Variants in PDE11A observed in about 807,000 individuals in gnomAD.
PDE11A encodes the protein phosphodiesterase 11A, also known as dual 3',5'-cyclic-AMP and -GMP phosphodiesterase 11A.
Under a neutral mutation model 100.5 loss-of-function variants are expected in PDE11A, and 100 were observed. The ratio of observed to expected loss-of-function variants is 1.00; its 90% CI spans 0.85 to 1.18. PDE11A has a LOEUF of 1.18. PDE11A is among the 50% of genes most tolerant of loss of function. PDE11A has a pLI of 0.00. For synonymous variants in PDE11A, 381 were observed against 420.8 expected, an observed-to-expected ratio of 0.91 and a Z score of 1.16; for missense variants, 1,141 against 1,152.6, an observed-to-expected ratio of 0.99 and a Z score of 0.15.
intron 5 of PDE11A, among the ~76,000 whole-genome samples, chr2:177,874,464 T>C (rs2084197743): frequency 6.6e-6 from 1 of 152,228 alleles, no homozygotes; most frequent in Non-Finnish European, 1.5e-5. Flanking sequence ...AATTTCACTA[T>C]TTTTTAACCC....
chr2:177,875,845 C>T lies in PDE11A; in HGVS notation c.1367+14G>A. ...AAAGAACATCAAAAGACCCATGAAC[C>T]CCACAAGCCCTACCTGTTCTCAGCA... On this transcript the variant is annotated intron_variant, in intron 5 of 19. Transcript: ENST00000286063. The T allele has an allele frequency of 6.3e-7, 1 of 1,587,338 alleles. No individual in the cohort carries two copies. The highest frequency in any genetic ancestry group is 1.1e-5 in the South Asian group (1 of 90,556).
At chr2:177,817,995 AC>A (rs1376986388) in intron 7 of PDE11A, 70 bp from the exon 8 acceptor site, 2 of 795,470 alleles carry the variant, frequency 2.5e-6, no homozygotes, top group Non-Finnish European at 4.6e-6. Context: ...TAGAGTAGCC[AC>A]AGCTAACTCT....
At chr2:178,087,834 T>C (rs893220219) in intron 2 of PDE11A, among the ~76,000 whole-genome samples, 3 of 152,194 alleles carry the variant, frequency 2.0e-5, no homozygotes, top group Admixed American at 2.0e-4. Context: ...AGGAAGGATA[T>C]GGAGGAGAAG....
At chr2:177,713,378 A>G (rs541316767) in intron 12 of PDE11A, among the ~76,000 whole-genome samples, 2 of 152,304 alleles carry the variant, frequency 1.3e-5, no homozygotes, top group Admixed American at 1.3e-4. Flanking sequence ...CTTCATTTGT[A>G]TAGCAAATGG....
intron 9 of PDE11A, among the ~76,000 whole-genome samples, chr2:177,789,688 A>C (rs893839064): frequency 1.3e-5 from 2 of 152,184 alleles, no homozygotes; most frequent in Non-Finnish European, 2.9e-5. Flanking sequence ...AACTTAAGCA[A>C]AGTCTCAGGA....
intron 2 of PDE11A, among the ~76,000 whole-genome samples, chr2:177,953,874 C>T (rs944805607): frequency 5.9e-5 from 9 of 151,978 alleles, no homozygotes; most frequent in South Asian, 2.1e-4. Flanking sequence ...AAGGATAGTT[C>T]GCAAACTAAG....
intron 10 of PDE11A, among the ~76,000 whole-genome samples, chr2:177,750,660 T>A (rs1350801077): frequency 2.6e-5 from 4 of 152,244 alleles, no homozygotes; most frequent in Non-Finnish European, 4.4e-5. Flanking sequence ...TGGTCAAAAC[T>A]GGCTGGGTGA....
rs2081360156 is a variant in PDE11A at position 177,711,631 on chromosome 2, C to G, written c.2153+138G>C. Reference sequence around the variant, plus strand: ...AGGGAATTATAAAGATGGATGGGCCCCATGACATGCACGCCCAAGCCTGCA... The same window carrying G: ...AGGGAATTATAAAGATGGATGGGCCGCATGACATGCACGCCCAAGCCTGCA... On this transcript the variant is annotated intron_variant, in intron 13 of 19. Transcript: ENST00000286063. 1.2e-5 allele frequency: 8 copies of G among 682,856 alleles called. No individual in the cohort carries two copies. In the Admixed American group the frequency reaches 1.5e-4, roughly 13 times the overall value. The allele number at this position is 682,856 out of a possible 1,614,324, so 42.3% of individuals were successfully genotyped here.
At chr2:177,845,790 A>T (rs2083585579) in intron 5 of PDE11A, among the ~76,000 whole-genome samples, 1 of 152,236 alleles carries the variant, frequency 6.6e-6, no homozygotes, top group Non-Finnish European at 1.5e-5. Context: ...GCACCTCGGG[A>T]GGCCGAGGCT....
At chr2:177,743,750 C>G (rs1370586599) in intron 10 of PDE11A, among the ~76,000 whole-genome samples, 2 of 152,034 alleles carry the variant, frequency 1.3e-5, no homozygotes. Flanking sequence ...TATTATAACC[C>G]TAAAGGGAAA....
intron 10 of PDE11A, among the ~76,000 whole-genome samples, chr2:177,750,018 C>A (rs141026562): frequency 5.9e-5 from 9 of 152,312 alleles, no homozygotes; most frequent in African/African-American, 2.2e-4. Flanking sequence ...ACATAAGAAA[C>A]CTTGCCACTT....
chr2:177,686,103 C>T (rs553815065), intron 15 of PDE11A, among the ~76,000 whole-genome samples: 12 of 152,216 alleles, frequency 7.9e-5, no homozygotes, highest in South Asian at 4.1e-4. Flanking sequence ...TATATCAAAA[C>T]GTAGCATGCT....
intron 2 of PDE11A, among the ~76,000 whole-genome samples, chr2:177,973,137 G>C (rs557589514): frequency 6.6e-6 from 1 of 151,072 alleles, no homozygotes; most frequent in Non-Finnish European, 1.5e-5. Flanking sequence ...CGTGAGCGAC[G>C]CAGAAGACGG....
At chr2:177,865,539 G>A (rs2084014008) in intron 5 of PDE11A, among the ~76,000 whole-genome samples, 1 of 152,086 alleles carries the variant, frequency 6.6e-6, no homozygotes, top group Non-Finnish European at 1.5e-5. Context: ...AAATCTATGT[G>A]TACTCAAAAA....
chr2:177,874,995 G>A lies in PDE11A; in HGVS notation c.1367+864C>T, dbSNP rs757728381. Among the ~76,000 whole-genome samples, 177 of 152,200 alleles carry A rather than the reference G, an allele frequency of 1.2e-3. 1 individual carries two copies. Among genetic ancestry groups the A allele is most frequent in the Middle Eastern group, 6.8e-3 (2 of 294 alleles). On this transcript the variant is annotated intron_variant, in intron 5 of 19. Coordinates refer to ENST00000286063, the MANE Select transcript of PDE11A (RefSeq NM_016953.4). The stretch of plus-strand genomic sequence containing the variant: ...TGCTAGCACTTTGGGAGGCCAAGAC[G>A]GGCAGATCACTTGAGGTCAGGAGTT...
rs115982762 is a variant in PDE11A, at chr2:177,823,759, G to A, written c.1501-3464C>T. ...TAGAAAGGTATAATCTACAGACTTA[G>A]GCTAGCCACAGCAGCACTAGGATGG... On this transcript the variant is annotated intron_variant, in intron 6 of 19. Coordinates refer to ENST00000286063, the MANE Select transcript of PDE11A (RefSeq NM_016953.4). Among the ~76,000 whole-genome samples, 330 of 152,284 alleles carry A rather than the reference G, an allele frequency of 2.2e-3. 4 individuals are homozygous for A. The highest frequency in any genetic ancestry group is 3.9e-3 in the Non-Finnish European group (266 of 68,032).
intron 1 of PDE11A, among the ~76,000 whole-genome samples, chr2:178,042,240 A>G (rs1240171697): frequency 6.6e-6 from 1 of 152,190 alleles, no homozygotes. Context: ...AACACTTTGG[A>G]AGGCCAAAGT....
intron 19 of PDE11A, among the ~76,000 whole-genome samples, chr2:177,663,550 G>A (rs1394112799): frequency 2.6e-5 from 4 of 152,092 alleles, no homozygotes; most frequent in African/African-American, 4.8e-5. Flanking sequence ...TTAGATGATG[G>A]CTGGATGTTC....
rs565157468 is a variant in PDE11A, at chr2:177,748,425, T to C, written c.1789-20253A>G. Among the ~76,000 whole-genome samples, 13 of 152,342 alleles carry C rather than the reference T, an allele frequency of 8.5e-5. No homozygotes were observed. In the Middle Eastern group the frequency reaches 0.017, roughly 199 times the overall value. The stretch of plus-strand genomic sequence containing the variant: ...TCGTATTTCTCTTCATTCTGGTTAC[T>C]CTTATAAAGACACAGCAGGTGAATA... On this transcript the variant is annotated intron_variant, in intron 10 of 19. Transcript: ENST00000286063.
Sources: allele counts gnomAD v4.1 joint callset (sites outside exome capture counted in the v4.1 genomes callset), GRCh38; gene constraint gnomAD v4.1.1; transcripts MANE v1.5; gene names NCBI Gene and HGNC (gene_info 2026-07-23, HGNC 2026-07-21).